The following HS6ST3 variants were observed in gnomAD, a reference collection of about 807,000 sequenced individuals.
HS6ST3 encodes the protein heparan-sulfate 6-O-sulfotransferase 3.
Under a neutral mutation model 36.7 loss-of-function variants are expected in HS6ST3, and 12 were observed. The ratio of observed to expected loss-of-function variants is 0.33; its 90% CI spans 0.21 to 0.53. The LOEUF is 0.53. Among genes scored for constraint, HS6ST3 ranks in the 20% least tolerant of loss-of-function variants. HS6ST3 has a pLI of 0.95. For missense variants in HS6ST3, 584 were observed against 640.9 expected (o/e 0.91, Z 0.96); for synonymous variants, 240 against 257.5 (o/e 0.93, Z 0.65).
chr13:96,446,472 A>G (rs1432154856), intron 1 of HS6ST3, among the ~76,000 whole-genome samples: 1 of 152,222 alleles, frequency 6.6e-6, no homozygotes, highest in East Asian at 1.9e-4. Flanking sequence ...CAGGGTAACA[A>G]GTGGGAGTAT....
chr13:96,455,235 C>T (rs1177652573), intron 1 of HS6ST3, among the ~76,000 whole-genome samples: 3 of 151,964 alleles, frequency 2.0e-5, no homozygotes, highest in Non-Finnish European at 2.9e-5. Flanking sequence ...TTGTTGTTGT[C>T]GTTGTTTTTA....
intron 1 of HS6ST3, among the ~76,000 whole-genome samples, chr13:96,169,386 C>A (rs2056558290): frequency 6.6e-6 from 1 of 152,034 alleles, no homozygotes; most frequent in East Asian, 1.9e-4. Context: ...TAGAAGTTGT[C>A]TTGATAGAGT....
At chr13:96,394,731 C>G (rs2055412743) in intron 1 of HS6ST3, among the ~76,000 whole-genome samples, 1 of 152,104 alleles carries the variant, frequency 6.6e-6, no homozygotes, top group African/African-American at 2.4e-5. Flanking sequence ...GTACCCAGTT[C>G]TTATGGTACA....
chr13:96,106,380 T>TA (rs1341286377), intron 1 of HS6ST3, among the ~76,000 whole-genome samples: 34 of 152,124 alleles, frequency 2.2e-4, no homozygotes, highest in Admixed American at 2.2e-3. Context: ...TCTCTCCACT[T>TA]ACTCTGGGGG....
At chr13:96,731,751 G>T (rs1202962353) in intron 1 of HS6ST3, among the ~76,000 whole-genome samples, 1 of 151,802 alleles carries the variant, frequency 6.6e-6, no homozygotes. Context: ...CTTCCCCCTG[G>T]CTCAGGCAAT....
chr13:96,146,086 A>G (rs551165955), intron 1 of HS6ST3, among the ~76,000 whole-genome samples: 93 of 152,264 alleles, frequency 6.1e-4, no homozygotes, highest in African/African-American at 2.2e-3. Context: ...GTCAGGTAGC[A>G]TGATGCCTCC....
At chr13:96,113,302 A>G (rs1183577023) in intron 1 of HS6ST3, among the ~76,000 whole-genome samples, 2 of 152,190 alleles carry the variant, frequency 1.3e-5, no homozygotes, top group African/African-American at 2.4e-5. Context: ...GAGGCCAGGT[A>G]TCTCTGAGCA....
chr13:96,579,630 A>G (rs2056334489), intron 1 of HS6ST3, among the ~76,000 whole-genome samples: 2 of 152,216 alleles, frequency 1.3e-5, no homozygotes, highest in Admixed American at 1.3e-4. Flanking sequence ...CAAAAAAAGA[A>G]GTCAACAAGC....
chr13:96,627,211 C>A (rs1226367322), intron 1 of HS6ST3, among the ~76,000 whole-genome samples: 1 of 152,034 alleles, frequency 6.6e-6, no homozygotes, highest in Admixed American at 6.6e-5. Context: ...ACTTTGTTAA[C>A]ATATATATTT....
At chr13:96,211,461 A>G (rs934385349) in intron 1 of HS6ST3, among the ~76,000 whole-genome samples, 1 of 152,180 alleles carries the variant, frequency 6.6e-6, no homozygotes, top group Non-Finnish European at 1.5e-5. Flanking sequence ...TGGCTTATGT[A>G]AATAGATGTT....
At chr13:96,553,952 C>T (rs1387697278) in intron 1 of HS6ST3, among the ~76,000 whole-genome samples, 1 of 152,094 alleles carries the variant, frequency 6.6e-6, no homozygotes, top group African/African-American at 2.4e-5. Context: ...ACTATTGGTA[C>T]AATAAATCGC....
chr13:96,411,881 A>G (rs542418941), intron 1 of HS6ST3, among the ~76,000 whole-genome samples: 1 of 152,332 alleles, frequency 6.6e-6, no homozygotes, highest in Non-Finnish European at 1.5e-5. Flanking sequence ...AATGACTTGT[A>G]GTTTCAGGGT....
At chr13:96,123,472 G>A (rs1842334612) in intron 1 of HS6ST3, among the ~76,000 whole-genome samples, 1 of 152,150 alleles carries the variant, frequency 6.6e-6, no homozygotes, top group Non-Finnish European at 1.5e-5. Flanking sequence ...CTTTGGTTGA[G>A]GTATCAGAAA....
chr13:96,599,780 T>G (rs1266953274), intron 1 of HS6ST3, among the ~76,000 whole-genome samples: 1 of 152,108 alleles, frequency 6.6e-6, no homozygotes, highest in Non-Finnish European at 1.5e-5. Context: ...ATTATAAACT[T>G]TCCTCTTAAT....
chr13:96,274,585 T>G (rs927806202), intron 1 of HS6ST3, among the ~76,000 whole-genome samples: 8 of 152,144 alleles, frequency 5.3e-5, no homozygotes, highest in Admixed American at 2.6e-4. Flanking sequence ...CTATATTTTC[T>G]TTGGTGATTT....
At chr13:96,385,379 A>G (rs542288193) in intron 1 of HS6ST3, among the ~76,000 whole-genome samples, 1 of 152,278 alleles carries the variant, frequency 6.6e-6, no homozygotes, top group South Asian at 2.1e-4. Context: ...ACTCATTCAT[A>G]CTGCCACACA....
rs1412710296 is a variant in HS6ST3 at position 96,740,296 on chromosome 13, G to A, written c.708-92194G>A. 2.0e-5 allele frequency among the ~76,000 whole-genome samples: 3 copies of A among 152,238 alleles called. No homozygotes were observed. The East Asian group carries it at 5.8e-4, about 29-fold the overall frequency. ...TGAAAAGGCTGTTGGTTCCTCATAT[G>A]TGCATGGCATAGTTCTGGAAGGATT... On this transcript the variant is annotated intron_variant, in intron 1 of 1. Transcript: ENST00000376705.
At chr13:96,608,126 A>G (rs1401688871) in intron 1 of HS6ST3, among the ~76,000 whole-genome samples, 1 of 152,228 alleles carries the variant, frequency 6.6e-6, no homozygotes, top group East Asian at 1.9e-4. Context: ...TAAAAACAAC[A>G]AAAGAATTAT....
Position 96,271,344 on chromosome 13 carries a change from T to G in HS6ST3, c.707+179775T>G, listed in dbSNP as rs191436811. Among the ~76,000 whole-genome samples, 95 of 152,004 alleles carry G rather than the reference T, an allele frequency of 6.2e-4. 1 individual carries two copies. Among genetic ancestry groups the G allele is most frequent in the Admixed American group, 9.2e-4 (14 of 15,270 alleles). On this transcript the variant is annotated intron_variant, in intron 1 of 1. Transcript: ENST00000376705. ...GTTTCTCATATAATTAATTTAAAAT[T>G]TATATAATTTAATTTTAATATGACT...
Sources: gnomAD v4.1 joint callset for allele counts (sites outside exome capture counted in the v4.1 genomes callset) on GRCh38, gnomAD v4.1.1 for gene constraint, MANE v1.5 for transcripts, NCBI Gene and HGNC (gene_info 2026-07-23, HGNC 2026-07-21) for gene names.